The following SRGAP1 variants were observed in gnomAD, a reference collection of about 807,000 sequenced individuals.
The protein encoded by SRGAP1 is SLIT-ROBO Rho GTPase-activating protein 1.
Under a neutral mutation model 121.9 loss-of-function variants are expected in SRGAP1, and 43 were observed. The observed-to-expected ratio is 0.35, with a 90% CI of 0.28 to 0.46. SRGAP1 has a LOEUF of 0.46. Ranked by LOEUF, SRGAP1 falls within the 20% of genes least tolerant of loss-of-function variation. SRGAP1 has a pLI of 1.00. For synonymous variants in SRGAP1, 447 were observed against 485.4 expected (o/e 0.92, Z 1.04); for missense variants, 1,102 against 1,350.9 (o/e 0.82, Z 2.89).
intron 15 of SRGAP1, among the ~76,000 whole-genome samples, chr12:64,100,419 A>C (rs777600146): frequency 1.3e-5 from 2 of 152,172 alleles, no homozygotes; most frequent in African/African-American, 4.8e-5. Flanking sequence ...AAATCTATGG[A>C]GATATCTCAT....
At chr12:64,081,042 G>C (rs1046999129) in intron 10 of SRGAP1, 1 of 154,164 alleles carries the variant, frequency 6.5e-6, no homozygotes, top group African/African-American at 2.4e-5. Flanking sequence ...GGAGGCATGA[G>C]AATACAGGCA....
intron 1 of SRGAP1, among the ~76,000 whole-genome samples, chr12:63,892,542 CT>C: frequency 6.6e-6 from 1 of 152,260 alleles, no homozygotes; most frequent in South Asian, 2.1e-4. Context: ...TAAAAGTGGT[CT>C]TTTTTTCTCC....
At chr12:64,081,618 G>C (rs2035843069) in intron 10 of SRGAP1, 1 of 151,858 alleles carries the variant, frequency 6.6e-6, no homozygotes, top group African/African-American at 2.4e-5. Flanking sequence ...AGAACAATTA[G>C]GGAAGTTGAA....
intron 1 of SRGAP1, among the ~76,000 whole-genome samples, chr12:63,880,789 T>C (rs946635124): frequency 2.6e-5 from 4 of 152,214 alleles, no homozygotes; most frequent in African/African-American, 9.6e-5. Flanking sequence ...CACAGAACTG[T>C]GGACTTTGCA....
At chr12:63,881,144 G>T (rs1900182568) in intron 1 of SRGAP1, among the ~76,000 whole-genome samples, 1 of 152,192 alleles carries the variant, frequency 6.6e-6, no homozygotes, top group South Asian at 2.1e-4. Flanking sequence ...ATGGCATTGA[G>T]CTCTTGATAT....
intron 2 of SRGAP1, among the ~76,000 whole-genome samples, chr12:63,987,355 A>G (rs1027691964): frequency 3.3e-5 from 5 of 152,034 alleles, no homozygotes; most frequent in African/African-American, 1.2e-4. Context: ...CTAAAAAAAG[A>G]CTCTCTCAGA....
intron 11 of SRGAP1, among the ~76,000 whole-genome samples, chr12:64,087,569 A>T (rs556941069): frequency 6.6e-6 from 1 of 152,066 alleles, no homozygotes; most frequent in South Asian, 2.1e-4. Context: ...CCCTGTCTCT[A>T]CTAAAAATAC....
chr12:64,111,989 A>G lies in SRGAP1; in HGVS notation c.2144+3A>G, dbSNP rs753995112. The stretch of plus-strand genomic sequence containing the variant: ...TGTATGGCTGGAGATGACTATTGGT[A>G]AGTCTAAGAATTTTAGTCCTCCTCT... On this transcript the variant is annotated splice_donor_region_variant and intron_variant, in intron 17 of 21. Transcript: ENST00000355086. 7 of 1,609,380 alleles carry G rather than the reference A, an allele frequency of 4.3e-6. No homozygotes were observed. The East Asian group carries it at 1.6e-4, about 36-fold the overall frequency.
At chr12:63,928,778 A>G (rs959415799) in intron 1 of SRGAP1, among the ~76,000 whole-genome samples, 2 of 152,188 alleles carry the variant, frequency 1.3e-5, no homozygotes, top group African/African-American at 4.8e-5. Context: ...GGAACTGGAC[A>G]GTTCTGTCTG....
intron 3 of SRGAP1, among the ~76,000 whole-genome samples, chr12:63,992,837 A>G (rs1332517073): frequency 1.3e-5 from 2 of 152,118 alleles, no homozygotes; most frequent in South Asian, 2.1e-4. Context: ...GAAACTGCCT[A>G]TTTACAGTGG....
intron 2 of SRGAP1, among the ~76,000 whole-genome samples, chr12:63,984,803 G>A (rs887384245): frequency 3.3e-5 from 5 of 152,148 alleles, no homozygotes; most frequent in African/African-American, 1.2e-4. Flanking sequence ...ATCACCTGAG[G>A]TCAGGAGTTC....
chr12:64,095,842 G>A (rs960518424), intron 14 of SRGAP1, among the ~76,000 whole-genome samples: 2 of 152,028 alleles, frequency 1.3e-5, no homozygotes, highest in Admixed American at 1.3e-4. Flanking sequence ...GGGTAACTGG[G>A]ATATCCATCA....
chr12:64,052,653 A>G (rs1401914877), intron 6 of SRGAP1, among the ~76,000 whole-genome samples: 1 of 152,190 alleles, frequency 6.6e-6, no homozygotes, highest in Admixed American at 6.6e-5. Flanking sequence ...TAGTAAAATG[A>G]TAGATATATG....
chr12:64,021,552 C>T (rs74097547), intron 4 of SRGAP1, among the ~76,000 whole-genome samples: 6,371 of 152,252 alleles, frequency 0.042, 454 homozygotes, highest in African/African-American at 0.15. Flanking sequence ...CAGTAAGTGG[C>T]AGGGTGGGAT....
intron 1 of SRGAP1, among the ~76,000 whole-genome samples, chr12:63,959,958 A>G (rs1348802565): frequency 1.3e-5 from 2 of 152,174 alleles, no homozygotes; most frequent in African/African-American, 2.4e-5. Context: ...GAAACTTTCA[A>G]GTCCTTTGCA....
chr12:63,947,325 A>G (rs10878096), intron 1 of SRGAP1, among the ~76,000 whole-genome samples: 51,202 of 152,036 alleles, frequency 0.34, 9,163 homozygotes, highest in East Asian at 0.55. Flanking sequence ...ATTTTAGGCA[A>G]TCTAGTGACT....
chr12:63,860,739 C>A (rs1447169064), intron 1 of SRGAP1, among the ~76,000 whole-genome samples: 1 of 151,742 alleles, frequency 6.6e-6, no homozygotes, highest in Non-Finnish European at 1.5e-5. Flanking sequence ...TAGGTTTTTG[C>A]TTTATTGATT....
In SRGAP1 at chr12:64,142,651, A is replaced by C; in HGVS notation, c.3237A>C (p.Thr1079=). The C allele has an allele frequency of 6.2e-7, 1 of 1,614,084 alleles. No individual in the cohort carries two copies. The highest frequency in any genetic ancestry group is 1.7e-5 in the Admixed American group (1 of 60,026). Residue 1079 remains threonine, a synonymous_variant, in exon 22 of 22, where the codon ACA becomes ACC. Transcript: ENST00000355086. ...CTGCCCCACCTCCCCAGGGTCCAACAGACAAGTCATGCACAATGTAAAAAC... is the reference window on the plus strand; with the variant it reads ...CTGCCCCACCTCCCCAGGGTCCAACCGACAAGTCATGCACAATGTAAAAAC... ...IGPAPPPQGP[T]DKSCTM
intron 11 of SRGAP1, among the ~76,000 whole-genome samples, chr12:64,090,474 A>G (rs2036030891): frequency 6.6e-6 from 1 of 152,224 alleles, no homozygotes; most frequent in South Asian, 2.1e-4. Context: ...GTGACCTATT[A>G]ATAGTTACTT....
Sources: gnomAD v4.1 joint callset for allele counts (sites outside exome capture counted in the v4.1 genomes callset) on GRCh38, gnomAD v4.1.1 for gene constraint, MANE v1.5 for transcripts, NCBI Gene and HGNC (gene_info 2026-07-23, HGNC 2026-07-21) for gene names.